NRROS: variants seen among roughly 807,000 people sequenced by gnomAD.
The protein encoded by NRROS is transforming growth factor beta activator LRRC33.
In NRROS, 6 loss-of-function variants were observed where a neutral mutation model predicts 12.0. The ratio of observed to expected loss-of-function variants is 0.50; its 90% CI spans 0.27 to 0.98. NRROS has a LOEUF of 0.98. NRROS is among the 50% of genes least tolerant of loss of function. The pLI, the probability that NRROS is intolerant of heterozygous loss-of-function variation, is 0.11. For synonymous variants in NRROS, 462 were observed against 410.2 expected, an observed-to-expected ratio of 1.13 and a Z score of -1.53; for missense variants, 857 against 888.2, an observed-to-expected ratio of 0.96 and a Z score of 0.45.
chr3:196,640,607 C>T (rs1737187672), intron 1 of NRROS, among the ~76,000 whole-genome samples: 1 of 152,244 alleles, frequency 6.6e-6, no homozygotes, highest in Non-Finnish European at 1.5e-5. Context: ...GACGCTCTTC[C>T]GTAGCCCTCG....
rs1237481276 is a variant in NRROS at position 196,661,002 on chromosome 3, T to A, written c.1359T>A (p.Pro453=). Residue 453 remains proline (P), a synonymous_variant, in exon 3 of 3, where the codon CCT becomes CCA. Transcript: ENST00000328557. ...CTGCCTCGGACCGGGTGGGCCCCCCTAGCTGTGTGGATTTCAGGAATATGG... is the reference window on the plus strand; with the variant it reads ...CTGCCTCGGACCGGGTGGGCCCCCCAAGCTGTGTGGATTTCAGGAATATGG... ...LPAASDRVGP[P]SCVDFRNMAS... 1.2e-6 allele frequency: 2 copies of A among 1,614,112 alleles called. No homozygotes were observed. The highest frequency in any genetic ancestry group is 2.2e-5 in the East Asian group (1 of 44,872).
intron 1 of NRROS, among the ~76,000 whole-genome samples, chr3:196,651,978 GT>G (rs1737438282): frequency 6.6e-6 from 1 of 152,164 alleles, no homozygotes; most frequent in South Asian, 2.1e-4. Context: ...GGTGACAGCA[GT>G]TTGAGGCCAG....
At chr3:196,647,391 A>G (rs1737332702) in intron 1 of NRROS, among the ~76,000 whole-genome samples, 1 of 152,220 alleles carries the variant, frequency 6.6e-6, no homozygotes, top group South Asian at 2.1e-4. Context: ...TTATTAAGAG[A>G]AAGCTAGAGA....
Position 196,660,133 on chromosome 3 carries a change from C to T in NRROS, c.490C>T (p.Leu164=), listed in dbSNP as rs766907931. ...QNLSSLRSVS[L]AGNTIMRLDD... Reference sequence around the variant, plus strand: ...CCTCTCCTCGCTGCGGTCCGTGTCCCTGGCGGGGAACACCATCATGCGGCT... The same window carrying T: ...CCTCTCCTCGCTGCGGTCCGTGTCCTTGGCGGGGAACACCATCATGCGGCT... The change falls in exon 3 of 3, where the codon CTG becomes TTG. Residue 164 remains leucine, a synonymous_variant. Coordinates refer to ENST00000328557, the MANE Select transcript of NRROS (RefSeq NM_198565.3). This position sits in a 1 kb window ranked among gnomAD's most constrained non-coding sequence, Gnocchi z 7.7. 1.5e-5 allele frequency: 25 copies of T among 1,613,172 alleles called. No homozygotes were observed. Among genetic ancestry groups the T allele is most frequent in the East Asian group, 2.2e-5 (1 of 44,874 alleles).
chr3:196,649,639 T>C (rs1412305204), intron 1 of NRROS, among the ~76,000 whole-genome samples: 1 of 151,974 alleles, frequency 6.6e-6, no homozygotes, highest in African/African-American at 2.4e-5. Context: ...GCCCGGCTAA[T>C]TTTTTGTATT....
rs776433247 is a variant in NRROS at position 196,654,608 on chromosome 3, C to G, written c.69C>G (p.Ser23Arg). The change falls in exon 2 of 3, where the codon AGC becomes AGG. Residue 23 changes from serine (S) to arginine (R), a missense_variant. By Grantham distance (110) the Ser-to-Arg change is moderately radical (BLOSUM62 -1). Transcript: ENST00000328557. This position sits in a 1 kb window ranked among gnomAD's most constrained non-coding sequence, Gnocchi z 4.4. ...TGACCGTGGGCTGGAGGAACAGAAGCGGAACAGCCACAGCAGCCTCCCAAG... is the reference window on the plus strand; with the variant it reads ...TGACCGTGGGCTGGAGGAACAGAAGGGGAACAGCCACAGCAGCCTCCCAAG... ...HFLTVGWRNR[S>R]GTATAASQGV... The G allele has an allele frequency of 6.2e-7, 1 of 1,613,930 alleles. No individual in the cohort carries two copies. The highest frequency in any genetic ancestry group is 8.5e-7 in the Non-Finnish European group (1 of 1,179,842).
chr3:196,653,133 C>T (rs1289874007), intron 1 of NRROS, among the ~76,000 whole-genome samples: 1 of 152,116 alleles, frequency 6.6e-6, no homozygotes, highest in African/African-American at 2.4e-5. Flanking sequence ...CCCTCTCTTC[C>T]CTGTGCCGGC....
At position 196,656,898 on chromosome 3, in the gene NRROS, T is replaced by C. The variant is rs573297395; in HGVS notation, c.108+2251T>C. ...ACTGGCCCTCATCACATTATCCATT[T>C]GACCTTATTAGAAAGTGGACGTTGG... On this transcript the variant is annotated intron_variant, in intron 2 of 2. Transcript: ENST00000328557. 7.9e-5 allele frequency among the ~76,000 whole-genome samples: 12 copies of C among 152,252 alleles called. 1 individual carries two copies. Among genetic ancestry groups the C allele is most frequent in the Admixed American group, 5.9e-4 (9 of 15,290 alleles).
chr3:196,646,760 GTC>G (rs898017358), intron 1 of NRROS, among the ~76,000 whole-genome samples: 4 of 152,206 alleles, frequency 2.6e-5, no homozygotes, highest in African/African-American at 9.7e-5. Flanking sequence ...TTCCCAGAGA[GTC>G]TCTCGCCACG....
At chr3:196,651,409 A>T (rs1197414492) in intron 1 of NRROS, among the ~76,000 whole-genome samples, 1 of 152,188 alleles carries the variant, frequency 6.6e-6, no homozygotes, top group Non-Finnish European at 1.5e-5. Context: ...GCAAATAAAC[A>T]GTCAACACAG....
At chr3:196,658,818 AAG>A (rs1194214031) in intron 2 of NRROS, among the ~76,000 whole-genome samples, 3 of 152,042 alleles carry the variant, frequency 2.0e-5, no homozygotes, top group South Asian at 4.2e-4. Context: ...AATACAAAAA[AAG>A]TTAGCTGGGC....
chr3:196,641,922 GAC>G (rs1450740315), intron 1 of NRROS, among the ~76,000 whole-genome samples: 4 of 152,212 alleles, frequency 2.6e-5, no homozygotes, highest in Non-Finnish European at 5.9e-5. Flanking sequence ...CTGTGTGTAT[GAC>G]ACACTTACAG....
Position 196,661,478 on chromosome 3 carries a change from C to T in NRROS, c.1835C>T (p.Thr612Met), listed in dbSNP as rs147587398. The change falls in exon 3 of 3, where the codon ACG becomes ATG. Residue 612 changes from threonine (T) to methionine (M), a missense_variant. Transcript: ENST00000328557. ...TGGGGGGCCCTGCAGCATGGGCAGA[C>T]GGTGGCCGACTGGGCCATGGTCACC... is the stretch of plus-strand genomic sequence containing the variant. ...DGWGALQHGQ[T>M]VADWAMVTCN... The T allele has an allele frequency of 1.1e-4, 176 of 1,604,800 alleles. 3 individuals are homozygous for T. The South Asian group carries it at 1.2e-3, about 11-fold the overall frequency.
chr3:196,658,786 G>A (rs55883920), intron 2 of NRROS, among the ~76,000 whole-genome samples: 43 of 152,270 alleles, frequency 2.8e-4, no homozygotes, highest in Non-Finnish European at 3.7e-4. Context: ...GGTCAACATG[G>A]TGAAACCCCG....
intron 1 of NRROS, among the ~76,000 whole-genome samples, chr3:196,646,722 C>T (rs1463716435): frequency 3.3e-5 from 5 of 152,202 alleles, no homozygotes; most frequent in African/African-American, 9.7e-5. Flanking sequence ...CTCTGAATCC[C>T]CCCCCGATGG....
rs1446198354 is a variant in NRROS, at chr3:196,640,655, C to T, written c.-14+780C>T. On this transcript the variant is annotated intron_variant, in intron 1 of 2. Coordinates refer to ENST00000328557, the MANE Select transcript of NRROS (RefSeq NM_198565.3). ...GTGGGCCGGCTTCTGAAGGGGTCAGCGTACTTCCCCACGTACCCAGGAGCT... is the reference window on the plus strand; with the variant it reads ...GTGGGCCGGCTTCTGAAGGGGTCAGTGTACTTCCCCACGTACCCAGGAGCT... Among the ~76,000 whole-genome samples the T allele has an allele frequency of 2.0e-5, 3 of 152,178 alleles. No homozygotes were observed. The East Asian group carries it at 5.8e-4, about 29-fold the overall frequency.
intron 1 of NRROS, among the ~76,000 whole-genome samples, chr3:196,640,968 G>A (rs996155145): frequency 5.3e-5 from 8 of 152,158 alleles, no homozygotes; most frequent in Non-Finnish European, 8.8e-5. Flanking sequence ...TGCCGGCTGT[G>A]ACACACAGAC....
intron 1 of NRROS, among the ~76,000 whole-genome samples, chr3:196,648,269 T>G (rs6766451): frequency 0.2 from 31,161 of 152,084 alleles, 3,251 homozygotes; most frequent in African/African-American, 0.24. Flanking sequence ...TTGAAGGTAG[T>G]TTACATAAAT....
intron 1 of NRROS, among the ~76,000 whole-genome samples, chr3:196,650,830 T>C (rs1560341500): frequency 6.6e-6 from 1 of 152,196 alleles, no homozygotes. Flanking sequence ...CAGCATTCCA[T>C]GATAACTAGT....
Sources: allele counts gnomAD v4.1 joint callset (sites outside exome capture counted in the v4.1 genomes callset), GRCh38; gene constraint gnomAD v4.1.1; non-coding constraint Gnocchi (gnomAD v3.1); transcripts MANE v1.5; gene names NCBI Gene and HGNC (gene_info 2026-07-23, HGNC 2026-07-21).